The following MIR2052HG variants were observed in gnomAD, a reference collection of about 807,000 sequenced individuals.
MIR2052HG encodes the protein MIR2052 host gene.
intron 2 of MIR2052HG, among the ~76,000 whole-genome samples, chr8:74,677,683 T>C (rs115095111): frequency 0.013 from 1,997 of 152,206 alleles, 35 homozygotes; most frequent in African/African-American, 0.046. Context: ...TAGTATAGTA[T>C]GCAGTGAAAG....
At chr8:74,718,762 G>C (rs1232283641) in intron 4 of MIR2052HG, among the ~76,000 whole-genome samples, 2 of 152,126 alleles carry the variant, frequency 1.3e-5, no homozygotes, top group Non-Finnish European at 2.9e-5. Context: ...ACTTCTTGTT[G>C]TATCCTTACA....
intron 2 of MIR2052HG, among the ~76,000 whole-genome samples, chr8:74,682,224 A>G (rs1031916172): frequency 6.6e-6 from 1 of 152,166 alleles, no homozygotes; most frequent in Non-Finnish European, 1.5e-5. Flanking sequence ...TATAAGGGTG[A>G]CTACCTTAAT....
At chr8:74,754,116 A>G (rs1809975802) in intron 5 of MIR2052HG, among the ~76,000 whole-genome samples, 1 of 152,234 alleles carries the variant, frequency 6.6e-6, no homozygotes, top group Non-Finnish European at 1.5e-5. Context: ...CCTCGTCTGT[A>G]AAATGAAGAA....
chr8:74,694,702 A>C (rs1006130293), intron 2 of MIR2052HG, among the ~76,000 whole-genome samples: 1 of 152,222 alleles, frequency 6.6e-6, no homozygotes, highest in Non-Finnish European at 1.5e-5. Context: ...TATACACTGG[A>C]AAGTCTCAAC....
chr8:74,652,563 T>C (rs1293508372), intron 2 of MIR2052HG, among the ~76,000 whole-genome samples: 2 of 152,180 alleles, frequency 1.3e-5, no homozygotes, highest in Non-Finnish European at 2.9e-5. Flanking sequence ...GAGTTACTTA[T>C]TCCTTGAAAA....
rs557556566 is a variant in MIR2052HG at position 74,743,905 on chromosome 8, G to GCA, written n.372-8535_372-8534dup. Among the ~76,000 whole-genome samples, 246 of 152,288 alleles carry GCA rather than the reference G, an allele frequency of 1.6e-3. 1 individual carries two copies. Among genetic ancestry groups the GCA allele is most frequent in the Non-Finnish European group, 2.7e-3 (184 of 68,022 alleles). ...AAACCTCACAAGAAAATCACCATGA[G>GCA]CAAGAGTCAGCAGACACAGTACCAG... On this transcript the variant is annotated intron_variant and non_coding_transcript_variant, in intron 4 of 6. Transcript: ENST00000523442.
At chr8:74,700,903 C>T (rs1156271232) in intron 2 of MIR2052HG, among the ~76,000 whole-genome samples, 2 of 152,146 alleles carry the variant, frequency 1.3e-5, no homozygotes, top group African/African-American at 2.4e-5. Flanking sequence ...ATGCTAAGTA[C>T]AGATATAATT....
intron 2 of MIR2052HG, among the ~76,000 whole-genome samples, chr8:74,638,522 T>C (rs1808606570): frequency 6.6e-6 from 1 of 152,186 alleles, no homozygotes; most frequent in Admixed American, 6.5e-5. Context: ...AATATGCTGA[T>C]GTTTTGTATG....
intron 4 of MIR2052HG, among the ~76,000 whole-genome samples, chr8:74,734,371 T>C (rs1809725684): frequency 6.6e-6 from 1 of 152,218 alleles, no homozygotes; most frequent in Non-Finnish European, 1.5e-5. Flanking sequence ...TTTTGTAGTA[T>C]TTCTATAATT....
chr8:74,666,407 A>G (rs1808925143), intron 2 of MIR2052HG, among the ~76,000 whole-genome samples: 3 of 152,202 alleles, frequency 2.0e-5, no homozygotes, highest in Admixed American at 6.5e-5. Flanking sequence ...TGTTTTCAGG[A>G]GAGCATTTAT....
chr8:74,648,851 A>G (rs746585615), intron 2 of MIR2052HG, among the ~76,000 whole-genome samples: 3 of 152,200 alleles, frequency 2.0e-5, no homozygotes, highest in Non-Finnish European at 4.4e-5. Context: ...AAAAGATAAT[A>G]TAAGGAAAAC....
At chr8:74,706,292 T>C (rs1302639767) in intron 4 of MIR2052HG, among the ~76,000 whole-genome samples, 2 of 152,118 alleles carry the variant, frequency 1.3e-5, no homozygotes, top group African/African-American at 4.8e-5. Context: ...AGCAGTGGCA[T>C]TGCCAAGGTA....
chr8:74,654,727 A>G (rs1197989395), intron 2 of MIR2052HG, among the ~76,000 whole-genome samples: 2 of 152,168 alleles, frequency 1.3e-5, no homozygotes, highest in Non-Finnish European at 2.9e-5. Context: ...AGCAGTGTGA[A>G]AATGGGCTAA....
At chr8:74,674,781 C>T (rs1809033000) in intron 2 of MIR2052HG, among the ~76,000 whole-genome samples, 1 of 151,710 alleles carries the variant, frequency 6.6e-6, no homozygotes, top group African/African-American at 2.4e-5. Context: ...CAATAAGAAC[C>T]TGTTAATTAC....
intron 4 of MIR2052HG, among the ~76,000 whole-genome samples, chr8:74,738,540 A>G (rs1306363254): frequency 1.3e-5 from 2 of 152,218 alleles, no homozygotes; most frequent in South Asian, 2.1e-4. Flanking sequence ...TTACAGCTCT[A>G]TATCAGAAGC....
intron 2 of MIR2052HG, among the ~76,000 whole-genome samples, chr8:74,650,807 G>T (rs1808743663): frequency 6.6e-6 from 1 of 152,142 alleles, no homozygotes; most frequent in Non-Finnish European, 1.5e-5. Flanking sequence ...CAAAATGAAG[G>T]TGCATTTTAT....
chr8:74,602,120 A>C (rs1279170721), intron 1 of MIR2052HG, among the ~76,000 whole-genome samples: 6 of 152,226 alleles, frequency 3.9e-5, no homozygotes, highest in Admixed American at 1.3e-4. Flanking sequence ...GGAGGTTAGC[A>C]CAAGATACAG....
At chr8:74,681,705 T>C (rs1200082025) in intron 2 of MIR2052HG, among the ~76,000 whole-genome samples, 1 of 152,194 alleles carries the variant, frequency 6.6e-6, no homozygotes, top group Admixed American at 6.6e-5. Context: ...CTCTGTCTTA[T>C]GTTCTCACAT....
chr8:74,729,837 A>G (rs1029590127), intron 4 of MIR2052HG, among the ~76,000 whole-genome samples: 5 of 152,168 alleles, frequency 3.3e-5, no homozygotes, highest in African/African-American at 1.2e-4. Context: ...GTGTCATTAA[A>G]TTAAATTCTT....
Sources: allele counts gnomAD v4.1 joint callset (sites outside exome capture counted in the v4.1 genomes callset), GRCh38; gene constraint gnomAD v4.1.1; transcripts MANE v1.5; gene names NCBI Gene and HGNC (gene_info 2026-07-23, HGNC 2026-07-21).